The following FOXN3 variants were observed in gnomAD, a reference collection of about 807,000 sequenced individuals.
FOXN3 encodes forkhead box protein N3.
In FOXN3, 7 loss-of-function variants were observed where a neutral mutation model predicts 38.4. The observed-to-expected ratio is 0.18, with a 90% CI of 0.10 to 0.34. The LOEUF is 0.34. Ranked by LOEUF, FOXN3 falls within the 10% of genes least tolerant of loss-of-function variation. The pLI is 1.00. For missense variants in FOXN3, 456 were observed against 613.4 expected (o/e 0.74, Z 2.71); for synonymous variants, 230 against 242.2 (o/e 0.95, Z 0.47).
intron 1 of FOXN3, among the ~76,000 whole-genome samples, chr14:89,415,900 T>A (rs942256198): frequency 7.5e-5 from 10 of 133,730 alleles, no homozygotes; most frequent in Admixed American, 5.8e-4. Flanking sequence ...TTGTTTTTTT[T>A]ATGACTTGCT....
intron 3 of FOXN3, among the ~76,000 whole-genome samples, chr14:89,307,241 G>A (rs967561980): frequency 5.9e-5 from 9 of 152,098 alleles, no homozygotes; most frequent in Admixed American, 2.0e-4. Flanking sequence ...GAAGCTTTCT[G>A]ATTTCACTAA....
chr14:89,388,116 G>A (rs1366589884), intron 2 of FOXN3, among the ~76,000 whole-genome samples: 2 of 152,198 alleles, frequency 1.3e-5, no homozygotes, highest in Admixed American at 6.5e-5. Context: ...CCCAGGAGGT[G>A]GAGGTTGCAG....
At chr14:89,421,453 T>C (rs1891904511), upstream of FOXN3, among the ~76,000 whole-genome samples, 1 of 149,804 alleles carries the variant, frequency 6.7e-6, no homozygotes. Flanking sequence ...AGGCCAAACA[T>C]ATTGCTGAGA....
intron 1 of FOXN3, among the ~76,000 whole-genome samples, chr14:89,413,729 A>G (rs1333171347): frequency 4.9e-4 from 69 of 139,576 alleles, no homozygotes; most frequent in African/African-American, 1.4e-3. Context: ...GAGAAGGGGG[A>G]AGGGAAGGGA....
chr14:89,542,656 T>C (rs1937656972), intron 1 of FOXN3, among the ~76,000 whole-genome samples: 1 of 152,214 alleles, frequency 6.6e-6, no homozygotes, highest in African/African-American at 2.4e-5. Flanking sequence ...GAGCAACCCC[T>C]TCCTTGTCTA....
At chr14:89,356,040 GAAAAGAAAAAAAAAGAA>G (rs1470997292) in intron 2 of FOXN3, among the ~76,000 whole-genome samples, 1 of 127,268 alleles carries the variant, frequency 7.9e-6, no homozygotes, top group Non-Finnish European at 1.7e-5. Context: ...ATTCAGGTAT[GAAAAGAAAAAAAAAGAA>G]AAAAGAAAAA....
At chr14:89,387,192 G>A (rs1371563988) in intron 2 of FOXN3, among the ~76,000 whole-genome samples, 3 of 152,210 alleles carry the variant, frequency 2.0e-5, no homozygotes, top group Non-Finnish European at 2.9e-5. Context: ...GAAGGCGAAG[G>A]TTGCAGTAAG....
At chr14:89,409,968 G>A (rs1213634752) in intron 2 of FOXN3, among the ~76,000 whole-genome samples, 2 of 151,954 alleles carry the variant, frequency 1.3e-5, no homozygotes, top group East Asian at 3.9e-4. Context: ...ACCTGGGGAG[G>A]AGGGAACCAG....
chr14:89,348,943 T>TA (rs1486381684), intron 3 of FOXN3, among the ~76,000 whole-genome samples: 6 of 152,084 alleles, frequency 3.9e-5, no homozygotes, highest in African/African-American at 1.2e-4. Context: ...AATACTGGTC[T>TA]AAAGGAACCA....
chr14:89,395,468 T>C (rs1024643018), intron 2 of FOXN3, among the ~76,000 whole-genome samples: 5 of 152,092 alleles, frequency 3.3e-5, no homozygotes, highest in African/African-American at 1.2e-4. Flanking sequence ...CACCAATTTG[T>C]GTAAAATGAA....
chr14:89,546,228 T>G (rs552150677), intron 1 of FOXN3, among the ~76,000 whole-genome samples: 2 of 152,112 alleles, frequency 1.3e-5, no homozygotes, highest in East Asian at 3.9e-4. Flanking sequence ...AATAGCCTAG[T>G]AAATGGTTGT....
In FOXN3 at chr14:89,162,348, A is replaced by G. The variant is rs563939958; in HGVS notation, c.*66T>C. The G allele has an allele frequency of 3.0e-6, 4 of 1,336,432 alleles. No individual in the cohort carries two copies. The highest frequency in any genetic ancestry group is 2.0e-4 in the Middle Eastern group (1 of 4,916). The allele number at this position is 1,336,432 out of a possible 1,614,324, so 82.8% of individuals were successfully genotyped here. On this transcript the variant is annotated 3_prime_UTR_variant, in exon 6 of 6. Coordinates refer to ENST00000557258, the MANE Select transcript of FOXN3 (RefSeq NM_005197.4). The surrounding 1 kb of genome is among the most constrained non-coding windows in gnomAD (Gnocchi z 7.2). Reference sequence around the variant, plus strand: ...AAAATTGCTGATATTGCCACAAATCATTAGAAATCTCCTGACATGCTGAAA... The same window carrying G: ...AAAATTGCTGATATTGCCACAAATCGTTAGAAATCTCCTGACATGCTGAAA...
At chr14:89,321,793 T>C (rs955200886) in intron 3 of FOXN3, among the ~76,000 whole-genome samples, 3 of 107,064 alleles carry the variant, frequency 2.8e-5, no homozygotes, top group African/African-American at 1.1e-4. Flanking sequence ...TCTTCTTTCC[T>C]TTTTTTTTTT....
intron 1 of FOXN3, among the ~76,000 whole-genome samples, chr14:89,511,141 T>TTTTCTTTTCTTTCTTTCTTTC (rs1894051126): frequency 0.022 from 469 of 21,002 alleles, 127 homozygotes; most frequent in Non-Finnish European, 0.067. Context: ...TCTTTCTTTC[T>TTTTCTTTTCTTTCTTTCTTTC]TTTCTTTCTT....
chr14:89,608,302 C>A (rs985292359), intron 1 of FOXN3, among the ~76,000 whole-genome samples: 2 of 151,148 alleles, frequency 1.3e-5, no homozygotes, highest in African/African-American at 2.4e-5. Context: ...AGCCAACACC[C>A]AGATAATTTT....
chr14:89,367,301 C>T (rs1890188010), intron 2 of FOXN3, among the ~76,000 whole-genome samples: 1 of 152,216 alleles, frequency 6.6e-6, no homozygotes, highest in Non-Finnish European at 1.5e-5. Context: ...AGAACAAGCA[C>T]TCACTCCAAC....
At chr14:89,425,700 C>G (rs1403324114) in intron 1 of FOXN3, among the ~76,000 whole-genome samples, 1 of 152,162 alleles carries the variant, frequency 6.6e-6, no homozygotes, top group East Asian at 1.9e-4. Context: ...TAGTTGTGTT[C>G]TATAAAGTGT....
intron 3 of FOXN3, among the ~76,000 whole-genome samples, chr14:89,282,561 C>A (rs1886497714): frequency 6.6e-6 from 1 of 152,206 alleles, no homozygotes; most frequent in Non-Finnish European, 1.5e-5. Flanking sequence ...TTAACAATCC[C>A]AGCAAGCTCT....
At chr14:89,554,931 G>C (rs928739580) in intron 1 of FOXN3, among the ~76,000 whole-genome samples, 2 of 151,782 alleles carry the variant, frequency 1.3e-5, no homozygotes, top group African/African-American at 4.8e-5. Context: ...TGTGATTACA[G>C]GCACCCAGCA....
Sources: allele counts gnomAD v4.1 joint callset (sites outside exome capture counted in the v4.1 genomes callset), GRCh38; gene constraint gnomAD v4.1.1; non-coding constraint Gnocchi (gnomAD v3.1); transcripts MANE v1.5; gene names NCBI Gene and HGNC (gene_info 2026-07-23, HGNC 2026-07-21).